Variants in LLGL2 observed in about 807,000 individuals in gnomAD.
LLGL2 encodes the protein LLGL2, scribble cell polarity complex component.
LLGL2 carries 81 observed loss-of-function variants against 123.2 expected under a neutral mutation model. That is an observed-to-expected ratio of 0.66 (90% CI 0.55 to 0.79). The LOEUF is 0.79. Among genes scored for constraint, LLGL2 ranks in the 30% least tolerant of loss-of-function variants. The pLI is 0.00. For missense variants in LLGL2, 1,273 were observed against 1,414.6 expected, an observed-to-expected ratio of 0.90 and a Z score of 1.61; for synonymous variants, 577 against 594.1, an observed-to-expected ratio of 0.97 and a Z score of 0.42.
rs2055634495 is a variant in LLGL2 at position 75,570,204 on chromosome 17, G to A, written c.1823G>A (p.Ser608Asn). 6.3e-7 allele frequency: 1 copy of A among 1,596,844 alleles called. No homozygotes were observed. Among genetic ancestry groups the A allele is most frequent in the Admixed American group, 1.8e-5 (1 of 56,128 alleles). The change falls in exon 15 of 26, where the codon AGC becomes AAC. Residue 608 changes from serine (S) to asparagine (N), a missense_variant. By Grantham distance (46) the Ser-to-Asn change is conservative. Transcript: ENST00000392550. ...TGGCGGCTCGTGGCCTTCGGCACCAGCCATGGCTTTGGCCTCTTTGACCAC... is the reference window on the plus strand; with the variant it reads ...TGGCGGCTCGTGGCCTTCGGCACCAACCATGGCTTTGGCCTCTTTGACCAC... ...SEWRLVAFGT[S>N]HGFGLFDHQQ...
chr17:75,546,440 A>T (rs185128371), intron 2 of LLGL2: 1 of 168,536 alleles, frequency 5.9e-6, no homozygotes, highest in Non-Finnish European at 1.3e-5. Flanking sequence ...GGACTACATG[A>T]GTTCCTGCAC....
chr17:75,548,782 A>G (rs1233648728), intron 2 of LLGL2, among the ~76,000 whole-genome samples: 4 of 150,838 alleles, frequency 2.7e-5, no homozygotes, highest in African/African-American at 9.7e-5. Context: ...CCAAAGAAGT[A>G]TACTTTGGGG....
rs1197902122 is a variant in LLGL2, at chr17:75,573,205, G to A, written c.2652G>A (p.Gln884=). 6.2e-7 allele frequency: 1 copy of A among 1,612,766 alleles called. No homozygotes were observed. The highest frequency in any genetic ancestry group is 1.7e-5 in the Admixed American group (1 of 60,010). Residue 884 remains glutamine (Q), a synonymous_variant, in exon 20 of 26, where the codon CAG becomes CAA. Transcript: ENST00000392550. Reference sequence around the variant, plus strand: ...TCTCGCTGCCCCTGCTCAAGCCCCAGGTGCGCTACAGCTGCATCCGCCGGG... The same window carrying A: ...TCTCGCTGCCCCTGCTCAAGCCCCAAGTGCGCTACAGCTGCATCCGCCGGG... ...QVVSLPLLKP[Q]VRYSCIRRED... is the part of the protein sequence containing the mutation.
chr17:75,570,127 G>C lies in LLGL2; in HGVS notation c.1746G>C (p.Leu582Phe). 6.3e-7 allele frequency: 1 copy of C among 1,599,028 alleles called. No homozygotes were observed. The change falls in exon 15 of 26, where the codon TTG becomes TTC. Residue 582 changes from leucine to phenylalanine, a missense_variant. Transcript: ENST00000392550. ...RFEPGFQPFVLVQCQPPAVVT... is the reference protein window; with the variant it reads ...RFEPGFQPFVFVQCQPPAVVT... ...AGCCTGGCTTTCAGCCCTTCGTGTT[G>C]GTGCAGTGTCAGCCCCCGGCTGTGG...
Position 75,558,682 on chromosome 17 carries a change from T to A in LLGL2, c.371+55T>A. ...TCCCAGCCCAGCCTGACCCTTGCCC[T>A]TAGCTCTGGAGTGGACTCACCCTTT... On this transcript the variant is annotated intron_variant, in intron 5 of 25. Transcript: ENST00000392550. The surrounding 1 kb of genome is among the most constrained non-coding windows in gnomAD (Gnocchi z 4.0). 7.1e-7 allele frequency: 1 copy of A among 1,406,218 alleles called. No homozygotes were observed. Among genetic ancestry groups the A allele is most frequent in the South Asian group, 1.2e-5 (1 of 80,976 alleles). 87.1% of individuals were successfully genotyped at this position (1,406,218 alleles called of 1,614,324 possible).
chr17:75,572,795 G>C (rs1428291548), intron 19 of LLGL2, among the ~76,000 whole-genome samples: 1 of 151,866 alleles, frequency 6.6e-6, no homozygotes, highest in East Asian at 1.9e-4. Context: ...ACTCCAGCCT[G>C]GGCGACAGAG....
chr17:75,561,902 A>G (rs1182153072), intron 6 of LLGL2, among the ~76,000 whole-genome samples: 1 of 152,112 alleles, frequency 6.6e-6, no homozygotes, highest in Non-Finnish European at 1.5e-5. Flanking sequence ...AGCCTGGGCA[A>G]CAGAGCGAGA....
chr17:75,560,063 CT>C (rs961497138), intron 6 of LLGL2, among the ~76,000 whole-genome samples: 7 of 152,180 alleles, frequency 4.6e-5, no homozygotes, highest in Non-Finnish European at 7.3e-5. Flanking sequence ...GGCCAGGGTG[CT>C]GGGCCCCTGG....
intron 1 of LLGL2, among the ~76,000 whole-genome samples, chr17:75,536,554 T>A (rs2054009885): frequency 2.0e-5 from 3 of 152,174 alleles, no homozygotes; most frequent in Admixed American, 1.3e-4. Context: ...AGCCCACGCC[T>A]GGTGAGCACC....
At chr17:75,569,429 T>G (rs936059) in intron 14 of LLGL2, 104 bp downstream of exon 14, 349,328 of 940,640 alleles carry the variant, frequency 0.37, 72,567 homozygotes, top group African/African-American at 0.76. Context: ...TCTGTGTCCT[T>G]TGCTTTTCCG....
At chr17:75,533,216 G>A (rs566538873) in intron 1 of LLGL2, among the ~76,000 whole-genome samples, 1 of 150,636 alleles carries the variant, frequency 6.6e-6, no homozygotes, top group South Asian at 2.1e-4. Flanking sequence ...AGCCAGGATG[G>A]TCTTGATCTC....
At chr17:75,569,444 A>G in intron 14 of LLGL2, 119 bp downstream of exon 14, 1 of 826,878 alleles carries the variant, frequency 1.2e-6, no homozygotes, top group Non-Finnish European at 1.9e-6. Flanking sequence ...TTTCCGGTGG[A>G]TGGAGGTGGC....
rs996379649 is a variant in LLGL2, at chr17:75,544,513, C to G, written c.75+1012C>G. Among the ~76,000 whole-genome samples the G allele has an allele frequency of 6.6e-6, 1 of 152,250 alleles. No homozygotes were observed. The highest frequency in any genetic ancestry group is 1.5e-5 in the Non-Finnish European group (1 of 68,044). ...CTGTAGAAGTCAGCTTGCCCAGGTG[C>G]AAACCCAACTTTGCCACATAGAAGC... On this transcript the variant is annotated intron_variant, in intron 2 of 25. Transcript: ENST00000392550. The surrounding 1 kb of genome is among the most constrained non-coding windows in gnomAD (Gnocchi z 4.2).
chr17:75,556,196 T>C (rs1372606422), intron 3 of LLGL2, 53 bp downstream of exon 3: 1 of 1,380,138 alleles, frequency 7.2e-7, no homozygotes, highest in African/African-American at 1.4e-5. Context: ...GTGGGTGAGA[T>C]TTGGGGAGGG....
At chr17:75,537,117 C>T (rs2054032979) in intron 1 of LLGL2, among the ~76,000 whole-genome samples, 1 of 152,202 alleles carries the variant, frequency 6.6e-6, no homozygotes. Flanking sequence ...GCCACAGCGC[C>T]CGGCCCTTTT....
chr17:75,558,365 A>C lies in LLGL2; in HGVS notation c.255+129A>C. 2.6e-6 allele frequency: 3 copies of C among 1,154,748 alleles called. No individual in the cohort carries two copies. Among genetic ancestry groups the C allele is most frequent in the South Asian group, 1.4e-5 (1 of 69,132 alleles). 71.5% of individuals were successfully genotyped at this position (1,154,748 alleles called of 1,614,324 possible). On this transcript the variant is annotated intron_variant, in intron 4 of 25. Coordinates refer to ENST00000392550, the MANE Select transcript of LLGL2 (RefSeq NM_001031803.2). The surrounding 1 kb of genome is among the most constrained non-coding windows in gnomAD (Gnocchi z 4.0). ...TTTGCTGCTGATGGAAAGACCTGGG[A>C]CCCCCTCCCTTTCCACAGCTGGGGC...
Position 75,568,624 on chromosome 17 carries a change from C to T in LLGL2, c.1185C>T (p.Asn395=). ...SAITCSHHVS[N]IPLKLWERII... is the part of the protein sequence containing the mutation. The stretch of plus-strand genomic sequence containing the variant: ...TCACCTGCTCTCACCACGTCTCCAA[C>T]ATCCCGCTGAAGCTGTGGGAGCGGA... Residue 395 remains asparagine (N), a synonymous_variant, in exon 11 of 26, where the codon AAC becomes AAT. Coordinates refer to ENST00000392550, the MANE Select transcript of LLGL2 (RefSeq NM_001031803.2). 6.2e-7 allele frequency: 1 copy of T among 1,613,954 alleles called. No individual in the cohort carries two copies.
intron 1 of LLGL2, among the ~76,000 whole-genome samples, chr17:75,538,882 CTCTTTTTCTT>C (rs1239863640): frequency 1.3e-5 from 2 of 151,756 alleles, no homozygotes; most frequent in Non-Finnish European, 2.9e-5. Flanking sequence ...TCTTCGCATC[CTCTTTTTCTT>C]TCTTTTTCTT....
intron 1 of LLGL2, among the ~76,000 whole-genome samples, chr17:75,535,459 G>C (rs2053965166): frequency 6.6e-6 from 1 of 152,252 alleles, no homozygotes; most frequent in South Asian, 2.1e-4. Context: ...TCTCCCAGCA[G>C]ATCAATGAGA....
Sources: gnomAD v4.1 joint callset for allele counts (sites outside exome capture counted in the v4.1 genomes callset) on GRCh38, gnomAD v4.1.1 for gene constraint, Gnocchi (gnomAD v3.1) non-coding constraint, MANE v1.5 for transcripts, NCBI Gene and HGNC (gene_info 2026-07-23, HGNC 2026-07-21) for gene names.